The following LDAF1 variants were observed in gnomAD, a reference collection of about 807,000 sequenced individuals.
LDAF1 encodes PROMETHIN.
LDAF1 carries 7 observed loss-of-function variants against 13.5 expected under a neutral mutation model. The ratio of observed to expected loss-of-function variants is 0.52; its 90% CI spans 0.29 to 0.97. The LOEUF (loss-of-function observed/expected upper bound fraction) is 0.97, where lower values mean the gene tolerates loss of function less well. LDAF1 is among the 50% of genes least tolerant of loss of function. The pLI is 0.07. For synonymous variants in LDAF1, 69 were observed against 77.1 expected (o/e 0.89, Z 0.55); for missense variants, 148 against 193.2 (o/e 0.77, Z 1.39).
intron 1 of LDAF1, 59 bp from the exon 2 acceptor site, chr16:21,161,026 G>C (rs2092967971): frequency 7.1e-7 from 1 of 1,401,308 alleles, no homozygotes; most frequent in African/African-American, 1.4e-5. Flanking sequence ...GATGGTAGAA[G>C]CTCTCGTCGA....
chr16:21,176,661 G>A (rs1016211637), intron 4 of LDAF1, among the ~76,000 whole-genome samples: 4 of 151,420 alleles, frequency 2.6e-5, no homozygotes, highest in African/African-American at 9.7e-5. Flanking sequence ...AATGAAATGA[G>A]CTGAAATATA....
intron 3 of LDAF1, among the ~76,000 whole-genome samples, chr16:21,172,301 G>T (rs1386881787): frequency 1.3e-5 from 2 of 151,994 alleles, no homozygotes; most frequent in African/African-American, 4.8e-5. Context: ...CAAAAAATTA[G>T]CCGGGCATGG....
At chr16:21,173,958 G>A (rs2093114509) in intron 3 of LDAF1, 52 bp from the exon 4 acceptor site, 7 of 1,572,778 alleles carry the variant, frequency 4.5e-6, no homozygotes, top group Non-Finnish European at 6.0e-6. Flanking sequence ...GGGTCTGCCA[G>A]TTTTCAACCT....
chr16:21,167,696 G>GTTTTTTGTTT lies in LDAF1; in HGVS notation c.97-2735_97-2734insGTTTTTTTTT, dbSNP rs1555584381. Among the ~76,000 whole-genome samples the GTTTTTTGTTT allele has an allele frequency of 1.1e-4, 10 of 89,092 alleles. No individual in the cohort carries two copies. The Admixed American group carries it at 1.3e-3, about 12-fold the overall frequency. The allele number at this position is 89,092 out of a possible 152,430, so 58.4% of individuals were successfully genotyped here. On this transcript the variant is annotated intron_variant, in intron 2 of 4. Transcript: ENST00000233047. ...ATTCTGAGTCCAAGACCTTAGGTTT[G>GTTTTTTGTTT]TTTTTTTTTTTTTGAAAAGGAGACT... is the stretch of plus-strand genomic sequence containing the variant.
chr16:21,179,353 T>C (rs1483362406), intron 4 of LDAF1, 122 bp from the exon 5 acceptor site: 3 of 1,579,288 alleles, frequency 1.9e-6, no homozygotes, highest in Non-Finnish European at 2.6e-6. Context: ...ATAGGCCTGG[T>C]GTGGTTGCAA....
chr16:21,178,453 T>G, intron 4 of LDAF1: 1 of 923,624 alleles, frequency 1.1e-6, no homozygotes, highest in Non-Finnish European at 1.3e-6. Flanking sequence ...AAGTAGATAC[T>G]AGTTTAAACA....
At chr16:21,159,286 C>T in intron 1 of LDAF1, 1 of 1,555,082 alleles carries the variant, frequency 6.4e-7, no homozygotes, top group Non-Finnish European at 8.9e-7. Context: ...TCCCATTATT[C>T]AGTCTCTGTG....
chr16:21,178,261 G>C, intron 4 of LDAF1: 4 of 985,244 alleles, frequency 4.1e-6, no homozygotes, highest in Non-Finnish European at 4.8e-6. Context: ...GAGAAGTAGG[G>C]GCCCTGGGCA....
At chr16:21,159,594 G>A (rs1273531594) in intron 1 of LDAF1, among the ~76,000 whole-genome samples, 1 of 152,214 alleles carries the variant, frequency 6.6e-6, no homozygotes, top group Non-Finnish European at 1.5e-5. Flanking sequence ...AGTCCCCCAG[G>A]CGTGAAGAAG....
intron 1 of LDAF1, among the ~76,000 whole-genome samples, chr16:21,159,001 AACAC>A (rs891430869): frequency 7.3e-6 from 1 of 137,896 alleles, no homozygotes; most frequent in African/African-American, 2.7e-5. Context: ...GCCACCCCCC[AACAC>A]ACACACACAT....
At chr16:21,169,082 C>G in intron 2 of LDAF1, 1 of 642,284 alleles carries the variant, frequency 1.6e-6, no homozygotes, top group African/African-American at 2.0e-5. Context: ...GCTTTTAATG[C>G]TAATCACTTT....
chr16:21,166,262 A>AT (rs912963198), intron 2 of LDAF1, among the ~76,000 whole-genome samples: 31 of 151,500 alleles, frequency 2.0e-4, no homozygotes, highest in Non-Finnish European at 2.8e-4. Context: ...GATATTTTGC[A>AT]TTTTTTTTTC....
chr16:21,163,386 C>T (rs530266009), intron 2 of LDAF1, among the ~76,000 whole-genome samples: 1 of 152,294 alleles, frequency 6.6e-6, no homozygotes, highest in East Asian at 1.9e-4. Flanking sequence ...TAGCTCACAC[C>T]TGTAATCCTA....
intron 4 of LDAF1, among the ~76,000 whole-genome samples, chr16:21,176,505 T>C (rs1464244128): frequency 5.9e-5 from 9 of 151,986 alleles, no homozygotes; most frequent in African/African-American, 1.9e-4. Flanking sequence ...TAGCCAACTG[T>C]GGTGGTGCGT....
intron 2 of LDAF1, 51 bp from the exon 3 acceptor site, chr16:21,170,386 C>G (rs1371699979): frequency 6.2e-7 from 1 of 1,606,554 alleles, no homozygotes; most frequent in African/African-American, 1.3e-5. Context: ...TTCATTCAAC[C>G]TGGGGTTCCG....
chr16:21,167,637 C>T (rs2093036444), intron 2 of LDAF1, among the ~76,000 whole-genome samples: 1 of 148,372 alleles, frequency 6.7e-6, no homozygotes, highest in South Asian at 2.1e-4. Context: ...AGCATTTTTA[C>T]TTGATGTGGT....
At chr16:21,171,114 G>A (rs922247283) in intron 3 of LDAF1, among the ~76,000 whole-genome samples, 1 of 152,150 alleles carries the variant, frequency 6.6e-6, no homozygotes, top group African/African-American at 2.4e-5. Context: ...TCATTCCACA[G>A]TGAGTTATTG....
intron 2 of LDAF1, among the ~76,000 whole-genome samples, chr16:21,163,349 C>T (rs2092994200): frequency 1.3e-5 from 2 of 152,092 alleles, no homozygotes; most frequent in African/African-American, 2.4e-5. Context: ...CACTAATGAC[C>T]TCAAAAGCAC....
intron 1 of LDAF1, among the ~76,000 whole-genome samples, chr16:21,160,622 G>C (rs2092961039): frequency 6.6e-6 from 1 of 152,176 alleles, no homozygotes; most frequent in South Asian, 2.1e-4. Context: ...CTTGCTTTCT[G>C]TATATTTTCA....
Sources: allele counts gnomAD v4.1 joint callset (sites outside exome capture counted in the v4.1 genomes callset), GRCh38; gene constraint gnomAD v4.1.1; transcripts MANE v1.5; gene names NCBI Gene and HGNC (gene_info 2026-07-23, HGNC 2026-07-21).